Variants in PCDHA3 observed in about 807,000 individuals in gnomAD.
PCDHA3 encodes the protein protocadherin alpha-3.
Under a neutral mutation model 62.2 loss-of-function variants are expected in PCDHA3, and 41 were observed. The ratio of observed to expected loss-of-function variants is 0.66; its 90% confidence interval spans 0.51 to 0.86. The LOEUF is 0.86. Ranked by LOEUF, PCDHA3 falls within the 40% of genes least tolerant of loss-of-function variation. The pLI is 0.00. For synonymous variants in PCDHA3, 640 were observed against 555.4 expected (o/e 1.15, Z -2.14); for missense variants, 1,304 against 1,241.2 (o/e 1.05, Z -0.76).
rs73793515 is a variant in PCDHA3 at position 140,889,833 on chromosome 5, T to C, written c.2394+86242T>C. ...TCAGGTCATAAGAAGTCTTACAGTA[T>C]GCTTTGGTCTCTGAGAATATTTGTT... On this transcript the variant is annotated intron_variant, in intron 1 of 3. Coordinates refer to ENST00000522353, the MANE Select transcript of PCDHA3 (RefSeq NM_018906.3). Among the ~76,000 whole-genome samples, 1,245 of 152,254 alleles carry C rather than the reference T, an allele frequency of 8.2e-3. 11 individuals are homozygous for C. The highest frequency in any genetic ancestry group is 0.029 in the African/African-American group (1,203 of 41,548).
Position 140,969,197 on chromosome 5 carries a change from A to G in PCDHA3, c.2395-9752A>G, listed in dbSNP as rs782342139. 4 of 1,614,132 alleles carry G rather than the reference A, an allele frequency of 2.5e-6. No individual in the cohort carries two copies. In the South Asian group the frequency reaches 4.4e-5, roughly 18 times the overall value. On this transcript the variant is annotated intron_variant, in intron 1 of 3. Coordinates refer to ENST00000522353, the MANE Select transcript of PCDHA3 (RefSeq NM_018906.3). ...GAGTGACACTTTCATGTTTTACAAT[A>G]CAGGGGCCCAGACAGGACCAGGGCC...
At chr5:140,825,311 T>C (rs1360273212) in intron 1 of PCDHA3, 2 of 149,360 alleles carry the variant, frequency 1.3e-5, no homozygotes, top group African/African-American at 4.9e-5. Flanking sequence ...AACAATGATT[T>C]AATTTTCTGG....
intron 1 of PCDHA3, among the ~76,000 whole-genome samples, chr5:140,975,492 A>G (rs2153807380): frequency 6.6e-6 from 1 of 152,332 alleles, no homozygotes; most frequent in South Asian, 2.1e-4. Flanking sequence ...ATCAATGTTC[A>G]TAAAATAGCA....
At chr5:140,922,565 C>G (rs1334011438) in intron 1 of PCDHA3, among the ~76,000 whole-genome samples, 1 of 152,150 alleles carries the variant, frequency 6.6e-6, no homozygotes, top group Non-Finnish European at 1.5e-5. Context: ...GTCAGGATGA[C>G]AAGTTGCCCT....
At chr5:140,860,151 GTGTATATATATA>G (rs1350684051) in intron 1 of PCDHA3, 1 of 149,616 alleles carries the variant, frequency 6.7e-6, no homozygotes, top group African/African-American at 2.5e-5. Context: ...ATGTATATAT[GTGTATATATATA>G]TGTATATATA....
At chr5:140,869,066 T>G (rs782722664) in intron 1 of PCDHA3, 1 of 1,567,422 alleles carries the variant, frequency 6.4e-7, no homozygotes, top group Non-Finnish European at 8.6e-7. Context: ...GTACTGTAAG[T>G]GTAAAGAAGC....
chr5:140,873,262 G>T (rs1196053156), intron 1 of PCDHA3, among the ~76,000 whole-genome samples: 1 of 152,136 alleles, frequency 6.6e-6, no homozygotes, highest in Non-Finnish European at 1.5e-5. Context: ...ACTCAAAAGT[G>T]ATTAAACCAT....
In PCDHA3 at chr5:140,807,584, T is replaced by A. The variant is rs76522243; in HGVS notation, c.2394+3993T>A. On this transcript the variant is annotated intron_variant, in intron 1 of 3. Transcript: ENST00000522353. ...GGACATTAACGATAACCCGCCGGTGTTCCCAGCAACACAAAAGAACCTGTC... is the reference window on the plus strand; with the variant it reads ...GGACATTAACGATAACCCGCCGGTGATCCCAGCAACACAAAAGAACCTGTC... 283 of 1,614,132 alleles carry A rather than the reference T, an allele frequency of 1.8e-4. No individual in the cohort carries two copies. The African/African-American group carries it at 2.4e-3, about 14-fold the overall frequency.
chr5:140,965,299 C>A (rs1295211520), intron 1 of PCDHA3, among the ~76,000 whole-genome samples: 4 of 152,134 alleles, frequency 2.6e-5, no homozygotes, highest in African/African-American at 7.2e-5. Context: ...TTCCTCTGAT[C>A]CTTCTACCTT....
intron 1 of PCDHA3, chr5:140,967,190 AACG>A (rs781897780): frequency 6.2e-7 from 1 of 1,613,418 alleles, no homozygotes; most frequent in Non-Finnish European, 8.5e-7. Context: ...ATTGGACATC[AACG>A]ACAACTCACC....
At chr5:140,926,879 C>T (rs1554203752) in intron 1 of PCDHA3, 1 of 1,534,362 alleles carries the variant, frequency 6.5e-7, no homozygotes, top group African/African-American at 1.4e-5. Context: ...GGAACGTGGA[C>T]GCCTAGAGGG....
chr5:140,943,800 A>G (rs1470801059), intron 1 of PCDHA3, among the ~76,000 whole-genome samples: 1 of 152,218 alleles, frequency 6.6e-6, no homozygotes, highest in East Asian at 1.9e-4. Flanking sequence ...GCAAAGCAAA[A>G]GAGGAAAGTT....
intron 1 of PCDHA3, chr5:140,870,801 G>A: frequency 6.2e-7 from 1 of 1,613,670 alleles, no homozygotes; most frequent in Non-Finnish European, 8.5e-7. Context: ...CACTGCTGGC[G>A]ACTCAGGCTG....
chr5:141,004,869 A>T (rs908726845), intron 3 of PCDHA3, among the ~76,000 whole-genome samples: 3 of 152,218 alleles, frequency 2.0e-5, no homozygotes, highest in Non-Finnish European at 2.9e-5. Flanking sequence ...TTTGTTTCTC[A>T]TCCCTAAAGT....
At chr5:140,998,199 C>A (rs1472137266) in intron 3 of PCDHA3, among the ~76,000 whole-genome samples, 2 of 152,172 alleles carry the variant, frequency 1.3e-5, no homozygotes, top group Non-Finnish European at 2.9e-5. Flanking sequence ...GTATTAACTC[C>A]TTTAATCTGT....
At chr5:140,919,127 T>A (rs2079016296) in intron 1 of PCDHA3, among the ~76,000 whole-genome samples, 1 of 152,192 alleles carries the variant, frequency 6.6e-6, no homozygotes, top group East Asian at 1.9e-4. Flanking sequence ...TTGCTTCATG[T>A]GTTTTGGGGC....
Position 140,807,074 on chromosome 5 carries a change from A to T in PCDHA3, c.2394+3483A>T, listed in dbSNP as rs372967091. ...ATTCTTACTGGAAGGAACCATATAC[A>T]CTCTTTGGAGTCTGAAATATGGAGG... On this transcript the variant is annotated intron_variant, in intron 1 of 3. Transcript: ENST00000522353. 9.9e-6 allele frequency: 12 copies of T among 1,213,528 alleles called. No individual in the cohort carries two copies. In the East Asian group the frequency reaches 2.1e-4, roughly 21 times the overall value. The allele number at this position is 1,213,528 out of a possible 1,614,324, so 75.2% of individuals were successfully genotyped here.
intron 1 of PCDHA3, among the ~76,000 whole-genome samples, chr5:140,886,671 C>A (rs1411583056): frequency 6.6e-6 from 1 of 151,634 alleles, no homozygotes; most frequent in East Asian, 1.9e-4. Context: ...ACTAAAAATA[C>A]AAAAATTAGC....
intron 3 of PCDHA3, among the ~76,000 whole-genome samples, chr5:140,998,072 C>T (rs1554256158): frequency 6.6e-6 from 1 of 152,168 alleles, no homozygotes; most frequent in African/African-American, 2.4e-5. Context: ...CAGACTTAGC[C>T]TCTGCAGTTG....
Sources: allele counts gnomAD v4.1 joint callset (sites outside exome capture counted in the v4.1 genomes callset), GRCh38; gene constraint gnomAD v4.1.1; transcripts MANE v1.5; gene names NCBI Gene and HGNC (gene_info 2026-07-23, HGNC 2026-07-21).